MTA3: variants seen among roughly 807,000 people sequenced by gnomAD.
MTA3 encodes metastasis-associated protein MTA3.
Under a neutral mutation model 83.5 loss-of-function variants are expected in MTA3, and 34 were observed. That is an observed-to-expected ratio of 0.41 (90% confidence interval 0.31 to 0.54). MTA3 has a LOEUF of 0.54. Among genes scored for constraint, MTA3 ranks in the 20% least tolerant of loss-of-function variants. The pLI is 0.33. For missense variants in MTA3, 761 were observed against 726.4 expected, an observed-to-expected ratio of 1.05 and a Z score of -0.55; for synonymous variants, 303 against 252.7, an observed-to-expected ratio of 1.20 and a Z score of -1.89.
At chr2:42,727,600 C>T (rs1459964714) in intron 16 of MTA3, among the ~76,000 whole-genome samples, 1 of 151,566 alleles carries the variant, frequency 6.6e-6, no homozygotes, top group Non-Finnish European at 1.5e-5. Context: ...CTTGTCTGTG[C>T]CATGGGGGGA....
intron 2 of MTA3, among the ~76,000 whole-genome samples, chr2:42,528,863 G>A (rs541107383): frequency 6.6e-6 from 1 of 152,234 alleles, no homozygotes; most frequent in Non-Finnish European, 1.5e-5. Context: ...TGTGGTCAGA[G>A]AATTTATGGA....
chr2:42,531,888 C>A (rs558823325), intron 2 of MTA3, among the ~76,000 whole-genome samples: 1 of 151,476 alleles, frequency 6.6e-6, no homozygotes, highest in Admixed American at 6.6e-5. Flanking sequence ...TCCCGAGTAG[C>A]TGGGACTACA....
chr2:42,741,523 C>T (rs1415566543), intron 16 of MTA3, among the ~76,000 whole-genome samples: 5 of 152,100 alleles, frequency 3.3e-5, no homozygotes, highest in African/African-American at 7.2e-5. Flanking sequence ...CCCTTCTTTT[C>T]GCTTCAACAC....
At chr2:42,627,804 C>G (rs544662864) in intron 4 of MTA3, among the ~76,000 whole-genome samples, 2 of 148,088 alleles carry the variant, frequency 1.4e-5, no homozygotes, top group Non-Finnish European at 3.0e-5. Context: ...TCTCAAACTC[C>G]TGACCTCTAA....
intron 4 of MTA3, among the ~76,000 whole-genome samples, chr2:42,618,639 G>A (rs1295020121): frequency 1.3e-5 from 2 of 151,630 alleles, no homozygotes; most frequent in Admixed American, 6.6e-5. Flanking sequence ...ACAGAGTCTC[G>A]CTCTGTTGCC....
chr2:42,558,685 C>T (rs1677515883), intron 2 of MTA3, among the ~76,000 whole-genome samples: 2 of 151,544 alleles, frequency 1.3e-5, no homozygotes, highest in African/African-American at 4.8e-5. Context: ...GTAGCTGGGA[C>T]TACATGCACA....
intron 11 of MTA3, among the ~76,000 whole-genome samples, chr2:42,700,179 G>A (rs1693742866): frequency 6.6e-6 from 1 of 151,892 alleles, no homozygotes; most frequent in South Asian, 2.1e-4. Flanking sequence ...GAGAGGGAGT[G>A]TATAATGTTC....
chr2:42,638,360 G>A (rs1250413116), intron 4 of MTA3, among the ~76,000 whole-genome samples: 1 of 151,864 alleles, frequency 6.6e-6, no homozygotes, highest in Non-Finnish European at 1.5e-5. Flanking sequence ...AATTCTGTCC[G>A]TTATGAGAAC....
intron 3 of MTA3, among the ~76,000 whole-genome samples, chr2:42,586,615 C>T (rs1296046731): frequency 3.8e-5 from 5 of 131,454 alleles, no homozygotes; most frequent in Admixed American, 1.6e-4. Context: ...CACACACACA[C>T]ATCGTTGGCT....
chr2:42,667,318 C>T (rs1236224286), intron 8 of MTA3, among the ~76,000 whole-genome samples: 2 of 152,120 alleles, frequency 1.3e-5, no homozygotes, highest in Admixed American at 1.3e-4. Flanking sequence ...TACATACATT[C>T]ACATTGTTGG....
At chr2:42,741,615 G>A (rs200570364) in intron 16 of MTA3, among the ~76,000 whole-genome samples, 5 of 151,970 alleles carry the variant, frequency 3.3e-5, no homozygotes, top group African/African-American at 9.7e-5. Context: ...AAGGAGAGGG[G>A]AAAAGACAGG....
At chr2:42,645,920 A>T (rs1688137502) in intron 6 of MTA3, among the ~76,000 whole-genome samples, 1 of 152,230 alleles carries the variant, frequency 6.6e-6, no homozygotes, top group Non-Finnish European at 1.5e-5. Context: ...TTTCTATTGG[A>T]AGAAGATGCC....
At chr2:42,584,171 A>G (rs1461237446) in intron 3 of MTA3, among the ~76,000 whole-genome samples, 1 of 152,068 alleles carries the variant, frequency 6.6e-6, no homozygotes, top group African/African-American at 2.4e-5. Context: ...CAAACTTTTT[A>G]TTACAGAAAA....
At chr2:42,526,584 A>T (rs754747792) in intron 2 of MTA3, among the ~76,000 whole-genome samples, 1 of 152,116 alleles carries the variant, frequency 6.6e-6, no homozygotes, top group Non-Finnish European at 1.5e-5. Context: ...ATTTACCTCT[A>T]TGATCCCCTA....
chr2:42,547,287 C>T (rs1026228354), intron 2 of MTA3, among the ~76,000 whole-genome samples: 1 of 152,170 alleles, frequency 6.6e-6, no homozygotes, highest in East Asian at 1.9e-4. Context: ...AGAAATAGGA[C>T]GTGAGGTACA....
chr2:42,500,331 G>A lies in MTA3; in HGVS notation c.-141+5077G>A, dbSNP rs546992628. ...GGAGAATCTCTTGGACCTGGGAGGC[G>A]GAGGTTACAGTGAGCCGAGATCACG... On this transcript the variant is annotated intron_variant, in intron 2 of 17. Coordinates refer to the MTA3 transcript ENST00000405592. Among the ~76,000 whole-genome samples, 10 of 152,158 alleles carry A rather than the reference G, an allele frequency of 6.6e-5. No homozygotes were observed. In the South Asian group the frequency reaches 2.1e-3, roughly 32 times the overall value.
At chr2:42,504,772 C>T (rs915788954) in intron 2 of MTA3, among the ~76,000 whole-genome samples, 2 of 152,036 alleles carry the variant, frequency 1.3e-5, no homozygotes, top group African/African-American at 4.8e-5. Context: ...GCTGGGATTA[C>T]AGGCGTGAGC....
chr2:42,512,146 TG>T (rs1305652447), intron 2 of MTA3, among the ~76,000 whole-genome samples: 1 of 151,584 alleles, frequency 6.6e-6, no homozygotes, highest in African/African-American at 2.4e-5. Context: ...CTTTTTTTTT[TG>T]TTTTTGTTTT....
chr2:42,692,568 A>G (rs1693000964), intron 9 of MTA3, among the ~76,000 whole-genome samples: 1 of 151,806 alleles, frequency 6.6e-6, no homozygotes, highest in Non-Finnish European at 1.5e-5. Flanking sequence ...GCAATTACAG[A>G]CATGCATCAC....
Sources: gnomAD v4.1 joint callset for allele counts (sites outside exome capture counted in the v4.1 genomes callset) on GRCh38, gnomAD v4.1.1 for gene constraint, MANE v1.5 for transcripts, NCBI Gene and HGNC (gene_info 2026-07-23, HGNC 2026-07-21) for gene names.